The following HDAC9 variants were observed in gnomAD, a reference collection of about 807,000 sequenced individuals.
HDAC9 encodes histone deacetylase 9.
A neutral mutation model predicts 139.4 loss-of-function variants in HDAC9; 41 were observed. That is an observed-to-expected ratio of 0.29 (90% CI 0.23 to 0.38). HDAC9 has a LOEUF of 0.38. HDAC9 is among the 10% of genes least tolerant of loss of function. HDAC9 has a pLI of 1.00. For synonymous variants in HDAC9, 517 were observed against 476.2 expected (o/e 1.09, Z -1.12); for missense variants, 1,147 against 1,297.0 (o/e 0.88, Z 1.78).
chr7:18,795,277 A>G (rs1216616738), intron 17 of HDAC9, among the ~76,000 whole-genome samples: 1 of 150,214 alleles, frequency 6.7e-6, no homozygotes, highest in African/African-American at 2.4e-5. Context: ...AAAAAAAAAA[A>G]AAAAAAAAGA....
chr7:18,853,045 C>T (rs1173012354), intron 21 of HDAC9, among the ~76,000 whole-genome samples: 1 of 152,034 alleles, frequency 6.6e-6, no homozygotes, highest in East Asian at 1.9e-4. Flanking sequence ...AGGGTCTTCA[C>T]CTGTTTGTGA....
rs28405210 is a variant in HDAC9, at chr7:18,098,328, A to G, written c.-97+11115A>G. ...TATATTCAATTCTCCTTTAATTCTT[A>G]TAACAGTATTGAATCTAGTAGTATG... On this transcript the variant is annotated intron_variant, in intron 1 of 12. Transcript: ENST00000417496. Among the ~76,000 whole-genome samples, 316 of 152,334 alleles carry G rather than the reference A, an allele frequency of 2.1e-3. 2 individuals carry two copies. The highest frequency in any genetic ancestry group is 7.2e-3 in the African/African-American group (298 of 41,574).
intron 24 of HDAC9, among the ~76,000 whole-genome samples, chr7:18,957,087 G>A (rs1382742995): frequency 6.6e-6 from 1 of 152,084 alleles, no homozygotes; most frequent in Non-Finnish European, 1.5e-5. Flanking sequence ...CAACTTAAAT[G>A]TCAGTTGAGA....
At chr7:18,824,483 A>G (rs974211154) in intron 17 of HDAC9, among the ~76,000 whole-genome samples, 1 of 152,202 alleles carries the variant, frequency 6.6e-6, no homozygotes, top group Non-Finnish European at 1.5e-5. Flanking sequence ...AATGAGATGA[A>G]TGGATTGGAA....
At chr7:18,235,443 G>C (rs1428833579) in intron 2 of HDAC9, among the ~76,000 whole-genome samples, 1 of 152,176 alleles carries the variant, frequency 6.6e-6, no homozygotes, top group Non-Finnish European at 1.5e-5. Context: ...ACTGAACATG[G>C]GGTTAGGAAG....
At chr7:18,674,152 C>T (rs1051429184) in intron 12 of HDAC9, among the ~76,000 whole-genome samples, 1 of 152,002 alleles carries the variant, frequency 6.6e-6, no homozygotes, top group Non-Finnish European at 1.5e-5. Context: ...TTCACATCAT[C>T]ATATTTCTTT....
intron 21 of HDAC9, among the ~76,000 whole-genome samples, chr7:18,839,171 C>T (rs1796428937): frequency 6.6e-6 from 1 of 151,794 alleles, no homozygotes; most frequent in Admixed American, 6.6e-5. Context: ...CCGAGGTTAC[C>T]ATTGTATAAA....
intron 1 of HDAC9, among the ~76,000 whole-genome samples, chr7:18,323,593 A>G (rs558119348): frequency 2.1e-4 from 32 of 152,262 alleles, no homozygotes; most frequent in African/African-American, 7.5e-4. Flanking sequence ...TGGAGCCTAG[A>G]GGCATTGTAT....
At chr7:18,258,561 G>A (rs302193) in intron 2 of HDAC9, among the ~76,000 whole-genome samples, 60,671 of 152,030 alleles carry the variant, frequency 0.4, 12,982 homozygotes, top group Admixed American at 0.51. Context: ...GAAGGAAACT[G>A]CAAGGTATAA....
At chr7:18,395,173 T>A (rs1366162872) in intron 1 of HDAC9, 3 of 152,022 alleles carry the variant, frequency 2.0e-5, no homozygotes, top group Non-Finnish European at 4.4e-5. Context: ...GGAGGGAGGA[T>A]GATAGTTGAG....
chr7:18,207,539 C>CTTTTTTTTTTGTTTTTTTTTTTT (rs1791616754), intron 2 of HDAC9, among the ~76,000 whole-genome samples: 1 of 53,730 alleles, frequency 1.9e-5, no homozygotes, highest in Admixed American at 3.3e-4. Flanking sequence ...CCCAAGGAGT[C>CTTTTTTTTTTGTTTTTTTTTTTT]TTTTTTTTTT....
chr7:18,663,460 C>G (rs556754981), intron 11 of HDAC9, among the ~76,000 whole-genome samples: 1 of 152,018 alleles, frequency 6.6e-6, no homozygotes, highest in Non-Finnish European at 1.5e-5. Flanking sequence ...CTCCCTCCCC[C>G]TCACCCCCCA....
chr7:18,927,547 G>C (rs995973473), intron 22 of HDAC9, among the ~76,000 whole-genome samples: 1 of 152,098 alleles, frequency 6.6e-6, no homozygotes, highest in African/African-American at 2.4e-5. Flanking sequence ...ATACTTTTTG[G>C]ATATAACTAC....
At chr7:18,336,810 C>T (rs535751398) in intron 1 of HDAC9, among the ~76,000 whole-genome samples, 2 of 151,586 alleles carry the variant, frequency 1.3e-5, no homozygotes, top group South Asian at 4.2e-4. Flanking sequence ...TAGTGTCATA[C>T]CATGTACTGT....
intron 1 of HDAC9, among the ~76,000 whole-genome samples, chr7:18,142,029 T>C (rs1320422212): frequency 6.6e-6 from 1 of 152,106 alleles, no homozygotes; most frequent in Non-Finnish European, 1.5e-5. Context: ...CCTAGTCCTT[T>C]ATTGTGTCAG....
upstream of HDAC9, among the ~76,000 whole-genome samples, chr7:18,495,518 T>A (rs1050307904): frequency 3.9e-5 from 6 of 152,064 alleles, no homozygotes; most frequent in African/African-American, 1.4e-4. Flanking sequence ...TTTAAGGCCC[T>A]GCGATAGAGA....
chr7:18,822,395 C>T (rs1400398420), intron 17 of HDAC9, among the ~76,000 whole-genome samples: 1 of 152,050 alleles, frequency 6.6e-6, no homozygotes, highest in Non-Finnish European at 1.5e-5. Flanking sequence ...ACTCTTGTCG[C>T]CCAGGCTGGG....
chr7:18,843,993 T>C (rs1055653466), intron 21 of HDAC9, among the ~76,000 whole-genome samples: 3 of 152,176 alleles, frequency 2.0e-5, no homozygotes, highest in African/African-American at 7.2e-5. Context: ...TTTCAGAGAG[T>C]AGTTCAAGTC....
chr7:18,299,466 C>A (rs1188325804), intron 1 of HDAC9, among the ~76,000 whole-genome samples: 1 of 152,108 alleles, frequency 6.6e-6, no homozygotes, highest in Non-Finnish European at 1.5e-5. Context: ...AATGATACCA[C>A]ACTTTACTGG....
Sources: gnomAD v4.1 joint callset for allele counts (sites outside exome capture counted in the v4.1 genomes callset) on GRCh38, gnomAD v4.1.1 for gene constraint, MANE v1.5 for transcripts, NCBI Gene and HGNC (gene_info 2026-07-23, HGNC 2026-07-21) for gene names.